GRIK2: variants seen among roughly 807,000 people sequenced by gnomAD.
GRIK2 encodes glutamate receptor ionotropic, kainate 2.
GRIK2 carries 32 observed loss-of-function variants against 100.3 expected under a neutral mutation model. That is an observed-to-expected ratio of 0.32 (90% CI 0.24 to 0.43). The LOEUF (loss-of-function observed/expected upper bound fraction) is 0.43, where lower values mean the gene tolerates loss of function less well. Ranked by LOEUF, GRIK2 falls within the 20% of genes least tolerant of loss-of-function variation. GRIK2 has a pLI of 1.00. For missense variants in GRIK2, 843 were observed against 1,114.9 expected, an observed-to-expected ratio of 0.76 and a Z score of 3.47; for synonymous variants, 417 against 389.4, an observed-to-expected ratio of 1.07 and a Z score of -0.83.
intron 2 of GRIK2, among the ~76,000 whole-genome samples, chr6:101,564,545 C>T (rs191150349): frequency 4.6e-5 from 7 of 152,228 alleles, no homozygotes; most frequent in East Asian, 3.9e-4. Flanking sequence ...AGGCAGGAGT[C>T]GGCTTTCTCC....
chr6:101,887,289 TGTG>T (rs906744932), intron 11 of GRIK2, among the ~76,000 whole-genome samples: 1 of 152,140 alleles, frequency 6.6e-6, no homozygotes, highest in Non-Finnish European at 1.5e-5. Flanking sequence ...AACATCCTGT[TGTG>T]TACGATAAAT....
At chr6:101,584,666 A>G (rs1778267024) in intron 2 of GRIK2, among the ~76,000 whole-genome samples, 1 of 152,034 alleles carries the variant, frequency 6.6e-6, no homozygotes, top group African/African-American at 2.4e-5. Context: ...TTCAATTTGT[A>G]CATCTTTAGA....
intron 7 of GRIK2, among the ~76,000 whole-genome samples, chr6:101,745,938 G>A (rs9390775): frequency 0.12 from 17,503 of 151,976 alleles, 1,145 homozygotes; most frequent in South Asian, 0.21. Context: ...CACAATTCTC[G>A]TCTCCTAACC....
chr6:101,864,725 A>T (rs765043528), intron 11 of GRIK2, among the ~76,000 whole-genome samples: 1 of 152,176 alleles, frequency 6.6e-6, no homozygotes, highest in African/African-American at 2.4e-5. Context: ...TATTTTGTCT[A>T]TTCAACCCCA....
chr6:101,992,307 G>C (rs530297198), intron 14 of GRIK2, among the ~76,000 whole-genome samples: 1 of 151,320 alleles, frequency 6.6e-6, no homozygotes, highest in Non-Finnish European at 1.5e-5. Context: ...ATTGCTCTAC[G>C]TTCTCAAAGT....
chr6:101,598,328 T>G (rs968246186), intron 2 of GRIK2, among the ~76,000 whole-genome samples: 6 of 151,590 alleles, frequency 4.0e-5, no homozygotes, highest in Non-Finnish European at 8.9e-5. Flanking sequence ...TTGTCTCAAC[T>G]CATCCTGCGG....
intron 12 of GRIK2, among the ~76,000 whole-genome samples, chr6:101,920,321 C>T (rs957405710): frequency 3.9e-5 from 6 of 151,920 alleles, no homozygotes; most frequent in Non-Finnish European, 8.8e-5. Context: ...CTCTGTTTTC[C>T]TCAGCAAGGG....
chr6:101,937,725 A>T (rs1790703988), intron 14 of GRIK2, among the ~76,000 whole-genome samples: 1 of 151,898 alleles, frequency 6.6e-6, no homozygotes, highest in African/African-American at 2.4e-5. Context: ...TTTTGAGGAA[A>T]TTATACTTAT....
intron 14 of GRIK2, among the ~76,000 whole-genome samples, chr6:101,948,311 T>A (rs1791395907): frequency 6.6e-6 from 1 of 151,048 alleles, no homozygotes. Context: ...ATCTTAGAAC[T>A]GTCTTTTTTT....
chr6:101,966,141 C>A (rs1792658255), intron 14 of GRIK2, among the ~76,000 whole-genome samples: 1 of 152,082 alleles, frequency 6.6e-6, no homozygotes, highest in Non-Finnish European at 1.5e-5. Flanking sequence ...TTGCCATTAT[C>A]AGAATGTATA....
chr6:101,875,493 T>C (rs1785761892), intron 11 of GRIK2, among the ~76,000 whole-genome samples: 2 of 151,894 alleles, frequency 1.3e-5, no homozygotes, highest in Admixed American at 6.6e-5. Context: ...TACAGTGCAA[T>C]TGAGTAGGCT....
intron 12 of GRIK2, among the ~76,000 whole-genome samples, chr6:101,923,284 T>C (rs1004816049): frequency 4.6e-5 from 7 of 152,174 alleles, no homozygotes; most frequent in Admixed American, 2.0e-4. Context: ...TATTCTAATT[T>C]GGTTTATAAA....
chr6:101,916,887 C>A (rs967899038), intron 12 of GRIK2, among the ~76,000 whole-genome samples: 1 of 151,524 alleles, frequency 6.6e-6, no homozygotes, highest in African/African-American at 2.4e-5. Context: ...CTTATTCTTT[C>A]ATGGCTTGTT....
At chr6:101,616,980 T>C (rs1779921376) in intron 2 of GRIK2, among the ~76,000 whole-genome samples, 3 of 151,722 alleles carry the variant, frequency 2.0e-5, no homozygotes, top group Admixed American at 2.0e-4. Context: ...TATTATTTTC[T>C]TGTAAAATGT....
At chr6:101,547,848 C>T (rs1482990416) in intron 2 of GRIK2, among the ~76,000 whole-genome samples, 1 of 151,940 alleles carries the variant, frequency 6.6e-6, no homozygotes, top group Non-Finnish European at 1.5e-5. Context: ...AATGAGATGG[C>T]TGGGTCAAAT....
chr6:101,586,309 T>A (rs748361049), intron 2 of GRIK2, among the ~76,000 whole-genome samples: 3 of 152,038 alleles, frequency 2.0e-5, no homozygotes, highest in Non-Finnish European at 2.9e-5. Flanking sequence ...AAAAATTCTT[T>A]AAGAAATAAA....
intron 14 of GRIK2, among the ~76,000 whole-genome samples, chr6:102,011,832 C>T (rs183592862): frequency 2.6e-5 from 4 of 151,986 alleles, no homozygotes; most frequent in East Asian, 3.9e-4. Context: ...GTGATCCACC[C>T]GCCTTGGCCT....
intron 2 of GRIK2, among the ~76,000 whole-genome samples, chr6:101,530,172 TG>T (rs1208744663): frequency 6.6e-6 from 1 of 152,034 alleles, no homozygotes; most frequent in Non-Finnish European, 1.5e-5. Context: ...TGCAACATGC[TG>T]GTGCATTAAA....
chr6:101,455,453 C>T (rs146625072), intron 2 of GRIK2, among the ~76,000 whole-genome samples: 1 of 152,084 alleles, frequency 6.6e-6, no homozygotes, highest in African/African-American at 2.4e-5. Context: ...TTTCTAGTTT[C>T]CTCAATTCTT....
Sources: allele counts gnomAD v4.1 joint callset (sites outside exome capture counted in the v4.1 genomes callset), GRCh38; gene constraint gnomAD v4.1.1; transcripts MANE v1.5; gene names NCBI Gene and HGNC (gene_info 2026-07-23, HGNC 2026-07-21).